SH2B2: variants seen among roughly 807,000 people sequenced by gnomAD.
SH2B2 encodes SH2B adaptor protein 2.
Under a neutral mutation model 35.7 loss-of-function variants are expected in SH2B2, and 37 were observed. The ratio of observed to expected loss-of-function variants is 1.04; its 90% CI spans 0.80 to 1.36. The LOEUF (loss-of-function observed/expected upper bound fraction) is 1.36. Ranked by LOEUF, SH2B2 falls within the 40% of genes most tolerant of loss-of-function variation. The probability of loss-of-function intolerance (pLI) is 0.00; values close to 1 mark genes in which losing one functional copy is unlikely to be tolerated. For missense variants in SH2B2, 852 were observed against 817.7 expected (o/e 1.04, Z -0.51); for synonymous variants, 383 against 376.4 (o/e 1.02, Z -0.20).
At chr7:102,305,144 C>T (rs1471728756) in intron 2 of SH2B2, among the ~76,000 whole-genome samples, 1 of 152,226 alleles carries the variant, frequency 6.6e-6, no homozygotes, top group Non-Finnish European at 1.5e-5. Context: ...CAGTGAGCCC[C>T]GTTCTGAGTC....
At chr7:102,295,179 C>T (rs528512382) in intron 1 of SH2B2, among the ~76,000 whole-genome samples, 9 of 152,324 alleles carry the variant, frequency 5.9e-5, no homozygotes, top group African/African-American at 1.9e-4. Flanking sequence ...TAGGACTCGG[C>T]ACTGGGGCTG....
intron 8 of SH2B2, 116 bp downstream of exon 8, chr7:102,320,618 C>A: frequency 1.5e-6 from 2 of 1,344,422 alleles, no homozygotes; most frequent in Non-Finnish European, 2.0e-6. Flanking sequence ...TAGCCTCAGC[C>A]GTGTCCCTCC....
upstream of SH2B2, among the ~76,000 whole-genome samples, chr7:102,285,829 T>TC (rs1434594731): frequency 8.6e-5 from 13 of 151,210 alleles, no homozygotes; most frequent in Admixed American, 5.9e-4. Flanking sequence ...CACCCAGGGG[T>TC]CCCCCCCTGC....
At chr7:102,290,253 T>A (rs1322188679) in intron 1 of SH2B2, among the ~76,000 whole-genome samples, 3 of 139,034 alleles carry the variant, frequency 2.2e-5, no homozygotes, top group African/African-American at 5.5e-5. Flanking sequence ...TTTTTTTTTT[T>A]ATTTTTTTGA....
intron 3 of SH2B2, among the ~76,000 whole-genome samples, 178 bp from the exon 4 acceptor site, chr7:102,308,637 T>C (rs1793493205): frequency 6.6e-6 from 1 of 152,144 alleles, no homozygotes; most frequent in African/African-American, 2.4e-5. Flanking sequence ...GCTGGGTCCC[T>C]GGCCTGAGTT....
At chr7:102,292,881 G>A (rs1369822436) in intron 1 of SH2B2, among the ~76,000 whole-genome samples, 2 of 152,178 alleles carry the variant, frequency 1.3e-5, no homozygotes, top group Non-Finnish European at 2.9e-5. Flanking sequence ...GGAAGGGGGG[G>A]TCTCTTGGCA....
Position 102,300,941 on chromosome 7 carries a change from G to C in SH2B2, c.391G>C (p.Val131Leu), listed in dbSNP as rs782701976. The change falls in exon 2 of 9, where the codon GTT becomes CTT. Residue 131 changes from valine (V) to leucine (L), a missense_variant. By Grantham distance (32) the Val-to-Leu change is conservative (BLOSUM62 1). This residue lies in a region of SH2B2 where 294 missense variants were observed against 286.6 expected (regional missense o/e 1.03). Coordinates refer to ENST00000444095, the MANE Select transcript of SH2B2 (RefSeq NM_001359228.2). The stretch of plus-strand genomic sequence containing the variant: ...CACGCACGCGGCCACCAAGGCCCGC[G>C]TTCGCAAGGGCTTCTCGCTGCGCAA... ...VSTHAATKAR[V>L]RKGFSLRNMS... 1 of 1,487,716 alleles carries C rather than the reference G, an allele frequency of 6.7e-7. No individual in the cohort carries two copies. The highest frequency in any genetic ancestry group is 1.3e-5 in the South Asian group (1 of 79,448). The allele number at this position is 1,487,716 out of a possible 1,614,324, so 92.2% of individuals were successfully genotyped here. A position where few individuals can be genotyped will look rare whatever the true frequency, so the allele number is the denominator to read the frequency against.
At chr7:102,289,345 G>A (rs555373512) in intron 1 of SH2B2, among the ~76,000 whole-genome samples, 2 of 152,274 alleles carry the variant, frequency 1.3e-5, no homozygotes, top group South Asian at 4.1e-4. Context: ...CAGGGGGCAA[G>A]GGTGGAGGTG....
upstream of SH2B2, among the ~76,000 whole-genome samples, chr7:102,286,596 C>T (rs1554550863): frequency 3.3e-5 from 5 of 152,028 alleles, no homozygotes; most frequent in African/African-American, 1.2e-4. Flanking sequence ...TGGGGACCCC[C>T]GCCCAGATGG....
chr7:102,291,408 C>T (rs1388097209), intron 1 of SH2B2, among the ~76,000 whole-genome samples: 4 of 152,268 alleles, frequency 2.6e-5, no homozygotes, highest in East Asian at 1.9e-4. Flanking sequence ...GTTATCTGCA[C>T]GGAAGAGCAG....
chr7:102,308,670 C>T (rs1554555331), intron 3 of SH2B2, 145 bp from the exon 4 acceptor site: 7 of 688,704 alleles, frequency 1.0e-5, no homozygotes. Flanking sequence ...CGATGGTGAC[C>T]CCACTTTCTT....
intron 5 of SH2B2, 27 bp from the exon 6 acceptor site, chr7:102,314,485 C>T (rs1283837348): frequency 1.8e-5 from 7 of 398,580 alleles, no homozygotes; most frequent in Non-Finnish European, 3.1e-5. Flanking sequence ...GATAAAGATA[C>T]GTGCATCTTA....
intron 4 of SH2B2, among the ~76,000 whole-genome samples, chr7:102,314,049 G>C (rs1314302475): frequency 6.6e-6 from 1 of 152,216 alleles, no homozygotes; most frequent in Non-Finnish European, 1.5e-5. Context: ...GAGACAAGTA[G>C]GCAGGAGAAG....
chr7:102,317,837 T>G (rs1281125776), intron 7 of SH2B2, among the ~76,000 whole-genome samples: 1 of 151,980 alleles, frequency 6.6e-6, no homozygotes, highest in African/African-American at 2.4e-5. Context: ...AGACAGCCCC[T>G]CTTCCCTGCC....
In SH2B2 at chr7:102,300,585, C is replaced by G. The variant is rs1793110962; in HGVS notation, c.35C>G (p.Ala12Gly). The change falls in exon 2 of 9, where the codon GCC becomes GGC. Residue 12 changes from alanine to glycine, a missense_variant. Transcript: ENST00000444095. The part of the protein sequence containing the change: ...NGAGPGPAAA[A>G]PVPVPVPVPD... ...GCCGGCCCTGGCCCCGCCGCAGCCG[C>G]CCCGGTCCCAGTCCCGGTCCCGGTC... 6.5e-7 allele frequency: 1 copy of G among 1,550,210 alleles called. No individual in the cohort carries two copies. The highest frequency in any genetic ancestry group is 8.7e-7 in the Non-Finnish European group (1 of 1,146,578).
At chr7:102,314,287 G>T (rs933820120) in intron 4 of SH2B2, 49 bp from the exon 5 acceptor site, 3 of 398,458 alleles carry the variant, frequency 7.5e-6, no homozygotes, top group South Asian at 2.6e-4. Context: ...CCTGTGGTCC[G>T]AGTCCAAGTC....
intron 7 of SH2B2, among the ~76,000 whole-genome samples, chr7:102,318,433 C>G (rs1554557582): frequency 6.6e-6 from 1 of 152,204 alleles, no homozygotes; most frequent in Non-Finnish European, 1.5e-5. Context: ...GCCCCCACGC[C>G]CGGCCTATTG....
At chr7:102,317,741 C>G (rs1191863008) in intron 7 of SH2B2, among the ~76,000 whole-genome samples, 1 of 152,136 alleles carries the variant, frequency 6.6e-6, no homozygotes, top group Non-Finnish European at 1.5e-5. Flanking sequence ...ACTGGAGCTT[C>G]GGAGGGTCTC....
At chr7:102,303,377 C>T (rs1313585790) in intron 2 of SH2B2, among the ~76,000 whole-genome samples, 2 of 152,106 alleles carry the variant, frequency 1.3e-5, no homozygotes, top group African/African-American at 4.8e-5. Context: ...CACCGGGGAC[C>T]CCACACCCAC....
Sources: allele counts gnomAD v4.1 joint callset (sites outside exome capture counted in the v4.1 genomes callset), GRCh38; gene constraint gnomAD v4.1.1; regional missense constraint gnomAD v4.1.1; transcripts MANE v1.5; gene names NCBI Gene and HGNC (gene_info 2026-07-23, HGNC 2026-07-21).